CCSER2: variants seen among roughly 807,000 people sequenced by gnomAD.
CCSER2 encodes the protein serine-rich coiled-coil domain-containing protein 2.
CCSER2 carries 46 observed loss-of-function variants against 92.3 expected under a neutral mutation model. The observed-to-expected ratio is 0.50, with a 90% CI of 0.39 to 0.64. The LOEUF is 0.64. CCSER2 is among the 30% of genes least tolerant of loss of function. CCSER2 has a pLI of 0.00. For missense variants in CCSER2, 1,244 were observed against 1,238.9 expected, an observed-to-expected ratio of 1.00 and a Z score of -0.06; for synonymous variants, 433 against 431.4, an observed-to-expected ratio of 1.00 and a Z score of -0.04.
At chr10:84,513,385 T>A (rs1174356664) in intron 9 of CCSER2, 64 bp from the exon 10 acceptor site, 17 of 1,220,800 alleles carry the variant, frequency 1.4e-5, no homozygotes, top group Admixed American at 4.5e-5. Context: ...CTAATTGGTA[T>A]TTATATTAAA....
intron 1 of CCSER2, among the ~76,000 whole-genome samples, chr10:84,332,087 G>A (rs1232615151): frequency 6.6e-6 from 1 of 152,122 alleles, no homozygotes; most frequent in Admixed American, 6.5e-5. Context: ...ACTTCTAAAA[G>A]ATATTGATTT....
intron 1 of CCSER2, among the ~76,000 whole-genome samples, chr10:84,358,990 A>G (rs555002487): frequency 1.3e-5 from 2 of 152,252 alleles, no homozygotes; most frequent in East Asian, 3.9e-4. Context: ...GAACCTAGGC[A>G]TTTACTGTCT....
chr10:84,480,545 G>A (rs1225576348), intron 9 of CCSER2, among the ~76,000 whole-genome samples: 1 of 152,016 alleles, frequency 6.6e-6, no homozygotes, highest in Non-Finnish European at 1.5e-5. Flanking sequence ...AGAATACTAA[G>A]AATACTTTAT....
intron 1 of CCSER2, among the ~76,000 whole-genome samples, chr10:84,366,668 T>C (rs1845790659): frequency 6.6e-6 from 1 of 152,164 alleles, no homozygotes. Flanking sequence ...TTTTGGGCAA[T>C]GACAAATAAC....
At chr10:84,391,859 T>G in intron 3 of CCSER2, 1 of 1,475,886 alleles carries the variant, frequency 6.8e-7, no homozygotes, top group African/African-American at 1.4e-5. Context: ...AGTAGTGTAA[T>G]CCAAGATTTT....
intron 3 of CCSER2, among the ~76,000 whole-genome samples, chr10:84,386,107 A>AGGT (rs1841190256): frequency 1.3e-5 from 2 of 152,190 alleles, no homozygotes; most frequent in Non-Finnish European, 2.9e-5. Flanking sequence ...TGTGGAGAAA[A>AGGT]GGGAATACTT....
chr10:84,441,781 C>T (rs1457108813), intron 6 of CCSER2, among the ~76,000 whole-genome samples: 6 of 95,170 alleles, frequency 6.3e-5, no homozygotes, highest in Non-Finnish European at 9.6e-5. Context: ...TTTTTTGAGA[C>T]GAAGTCTCGC....
chr10:84,378,431 A>T (rs916874370), intron 3 of CCSER2, among the ~76,000 whole-genome samples: 1 of 141,838 alleles, frequency 7.1e-6, no homozygotes, highest in Non-Finnish European at 1.5e-5. Flanking sequence ...TTTAAAATTA[A>T]ATTTTTTTTT....
chr10:84,361,605 A>G (rs1477358882), intron 1 of CCSER2, among the ~76,000 whole-genome samples: 2 of 151,182 alleles, frequency 1.3e-5, no homozygotes, highest in Non-Finnish European at 2.9e-5. Context: ...CTTCATTACC[A>G]TGTTGTATTC....
intron 9 of CCSER2, among the ~76,000 whole-genome samples, chr10:84,495,826 A>G (rs981514792): frequency 4.8e-5 from 7 of 145,378 alleles, no homozygotes; most frequent in South Asian, 2.1e-4. Context: ...TTTAAAATAT[A>G]TATATTTTTA....
chr10:84,478,133 C>T (rs1434014211), intron 9 of CCSER2, among the ~76,000 whole-genome samples: 1 of 152,086 alleles, frequency 6.6e-6, no homozygotes, highest in African/African-American at 2.4e-5. Flanking sequence ...AAGATACAGA[C>T]AATAAAAGTT....
chr10:84,451,920 G>A (rs1845317898), intron 6 of CCSER2, among the ~76,000 whole-genome samples: 1 of 152,092 alleles, frequency 6.6e-6, no homozygotes, highest in African/African-American at 2.4e-5. Flanking sequence ...GCTTGAATTA[G>A]TAGATTTTAA....
chr10:84,453,500 T>C (rs1190919714), intron 6 of CCSER2, among the ~76,000 whole-genome samples: 1 of 152,228 alleles, frequency 6.6e-6, no homozygotes, highest in Non-Finnish European at 1.5e-5. Flanking sequence ...TTTGTTAATC[T>C]CTCGCCAACA....
chr10:84,359,970 C>T (rs1301780537), intron 1 of CCSER2, among the ~76,000 whole-genome samples: 1 of 152,058 alleles, frequency 6.6e-6, no homozygotes, highest in Non-Finnish European at 1.5e-5. Flanking sequence ...CCTGCCACCA[C>T]ACCCAGCTGA....
At chr10:84,502,418 C>G (rs1848809869) in intron 9 of CCSER2, among the ~76,000 whole-genome samples, 1 of 141,588 alleles carries the variant, frequency 7.1e-6, no homozygotes, top group African/African-American at 2.6e-5. Context: ...GTTGCCCAGG[C>G]TGGAGTGCAG....
chr10:84,484,579 A>G (rs1847694275), intron 9 of CCSER2, among the ~76,000 whole-genome samples: 1 of 152,122 alleles, frequency 6.6e-6, no homozygotes, highest in Non-Finnish European at 1.5e-5. Flanking sequence ...TTATATTTTT[A>G]AATGCCACTA....
chr10:84,438,825 A>T (rs1277641550), intron 6 of CCSER2, 118 bp downstream of exon 6: 3 of 643,744 alleles, frequency 4.7e-6, no homozygotes, highest in Non-Finnish European at 7.7e-6. Context: ...TTTCTGTAGA[A>T]TAATGCTTGT....
At chr10:84,476,906 C>G (rs1847182559) in intron 8 of CCSER2, among the ~76,000 whole-genome samples, 1 of 152,154 alleles carries the variant, frequency 6.6e-6, no homozygotes, top group Non-Finnish European at 1.5e-5. Context: ...AGGGCTGACA[C>G]TCTTCAAAAT....
At chr10:84,377,144 C>T (rs570623069) in intron 3 of CCSER2, among the ~76,000 whole-genome samples, 4 of 152,014 alleles carry the variant, frequency 2.6e-5, no homozygotes, top group African/African-American at 9.6e-5. Context: ...CTGTGAGTTG[C>T]TTTTGAAATC....
Sources: allele counts gnomAD v4.1 joint callset (sites outside exome capture counted in the v4.1 genomes callset), GRCh38; gene constraint gnomAD v4.1.1; transcripts MANE v1.5; gene names NCBI Gene and HGNC (gene_info 2026-07-23, HGNC 2026-07-21).